The following XIST variants were observed in gnomAD, a reference collection of about 807,000 sequenced individuals.
The protein encoded by XIST is X inactive specific transcript (non-protein coding).
At chrX:73,826,970 CTG>C in exon 6 of XIST, 1 of 558,686 alleles carries the variant, frequency 1.8e-6, no homozygotes, top group Non-Finnish European at 3.2e-6. Flanking sequence ...AGGCCACCCT[CTG>C]TTTTCTTGGC....
At chrX:73,820,895 G>T (rs765305142) in exon 6 of XIST, 1 of 559,191 alleles carries the variant, frequency 1.8e-6, no homozygotes, top group Middle Eastern at 3.1e-4. Flanking sequence ...GAAGGACAAT[G>T]ACGAAGCCAC....
At chrX:73,839,740 T>C (rs1922552306) in intron 1 of XIST, among the ~76,000 whole-genome samples, 1 of 110,245 alleles carries the variant, frequency 9.1e-6, no homozygotes, top group South Asian at 3.9e-4. Context: ...GCTAGAGATT[T>C]TTCTTAAGGG....
At chrX:73,849,132 T>C in exon 1 of XIST, 1 of 559,178 alleles carries the variant, frequency 1.8e-6, no homozygotes, top group Admixed American at 2.2e-5. Flanking sequence ...TCAAGGCAAA[T>C]GCAAGGGCGA....
chrX:73,847,317 A>G (rs375790599), exon 1 of XIST: 3 of 534,914 alleles, frequency 5.6e-6, no homozygotes, highest in Admixed American at 2.4e-5. Context: ...TTTAAGCAGT[A>G]TAAGAGAAGA....
exon 6 of XIST, chrX:73,825,759 A>G (rs1296274523): frequency 5.8e-6 from 3 of 514,656 alleles, no homozygotes; most frequent in Non-Finnish European, 1.0e-5. Context: ...TTCACAATTT[A>G]CACTGCACTT....
At chrX:73,842,738 A>G (rs375604345) in exon 1 of XIST, 123 of 556,526 alleles carry the variant, frequency 2.2e-4, no homozygotes, top group Middle Eastern at 1.5e-3. Context: ...AGTGCAACTG[A>G]GAATTGTTTA....
In XIST at chrX:73,837,590, T is replaced by C. The variant is rs1264892635; in HGVS notation, n.11343-87A>G. On this transcript the variant is annotated intron_variant and non_coding_transcript_variant, in intron 1 of 5. Transcript: ENST00000429829. ...GTTAATAATAATGTATCAATATTGG[T>C]TTGTTGTGACAAATGTACCAAACTA... The C allele has an allele frequency of 6.3e-6, 3 of 472,778 alleles. No individual in the cohort carries two copies. In the Admixed American group the frequency reaches 9.1e-5, roughly 14 times the overall value. The allele number at this position is 472,778 out of a possible 1,213,427, so 39.0% of individuals were successfully genotyped here. A position where few individuals can be genotyped will look rare whatever the true frequency, so the allele number is the denominator to read the frequency against.
At chrX:73,830,786 T>C (rs1301121762) in intron 4 of XIST, among the ~76,000 whole-genome samples, 2 of 111,794 alleles carry the variant, frequency 1.8e-5, no homozygotes, top group African/African-American at 6.5e-5. Context: ...GTTGTCCATG[T>C]TCTCCTAAAA....
rs760238775 is a variant in XIST at position 73,850,808 on chromosome X, G to A, written n.1916C>T. ...TAGCCTTAGGTGAGGCACCAATACA[G>A]AGGAATGGAGGGAGGTTCAGACCAC... On this transcript the variant is annotated non_coding_transcript_exon_variant, in exon 1 of 6. Coordinates refer to ENST00000429829, the Ensembl canonical transcript of XIST. The A allele has an allele frequency of 9.5e-5, 48 of 507,238 alleles. No homozygotes were observed. In the African/African-American group the frequency reaches 1.1e-3, roughly 12 times the overall value. The allele number at this position is 507,238 out of a possible 1,213,427, so 41.8% of individuals were successfully genotyped here. A position where few individuals can be genotyped will look rare whatever the true frequency, so the allele number is the denominator to read the frequency against.
Position 73,844,820 on chromosome X carries a change from A to G in XIST, n.7904T>C, listed in dbSNP as rs188797217. On this transcript the variant is annotated non_coding_transcript_exon_variant, in exon 1 of 6. Transcript: ENST00000429829. The stretch of plus-strand genomic sequence containing the variant: ...AGATAGGCCGTGTGCAGTTACACAC[A>G]TTATTGACCAAGGTGCATGGCTGCG... 168 of 555,234 alleles carry G rather than the reference A, an allele frequency of 3.0e-4. No individual in the cohort carries two copies. In the African/African-American group the frequency reaches 3.2e-3, roughly 11 times the overall value. 45.8% of individuals were successfully genotyped at this position (555,234 alleles called of 1,213,427 possible). A position where few individuals can be genotyped will look rare whatever the true frequency, so the allele number is the denominator to read the frequency against.
At chrX:73,838,015 T>C (rs1188726121) in intron 1 of XIST, among the ~76,000 whole-genome samples, 3 of 111,953 alleles carry the variant, frequency 2.7e-5, no homozygotes, top group Middle Eastern at 4.6e-3. Context: ...TTTTTGTACA[T>C]CAACAGATTT....
exon 1 of XIST, chrX:73,852,224 C>G (rs1408617209): frequency 1.1e-5 from 6 of 540,539 alleles, no homozygotes; most frequent in Non-Finnish European, 2.0e-5. Context: ...GGAAGGGAAT[C>G]AGCAGGTATC....
At chrX:73,834,509 C>A (rs1251102298) in intron 2 of XIST, among the ~76,000 whole-genome samples, 1 of 112,372 alleles carries the variant, frequency 8.9e-6, no homozygotes, top group Non-Finnish European at 1.9e-5. Context: ...CATTTTGGAA[C>A]TGATACAGAA....
At chrX:73,838,998 T>C (rs946817161) in intron 1 of XIST, among the ~76,000 whole-genome samples, 1 of 111,838 alleles carries the variant, frequency 8.9e-6, no homozygotes, top group Admixed American at 9.5e-5. Flanking sequence ...AGTTCAGATA[T>C]AATCATTAGT....
chrX:73,845,993 A>G (rs1282307520), exon 1 of XIST: 5 of 550,452 alleles, frequency 9.1e-6, no homozygotes, highest in East Asian at 3.3e-5. Flanking sequence ...GGTTATGCAC[A>G]TTAATGTCCA....
chrX:73,842,541 C>A (rs1922620123), exon 1 of XIST: 1 of 556,645 alleles, frequency 1.8e-6, no homozygotes, highest in Non-Finnish European at 3.2e-6. Flanking sequence ...TTCAGGCCTG[C>A]TTTTCATAGT....
exon 1 of XIST, chrX:73,849,749 T>G (rs904077982): frequency 1.8e-6 from 1 of 552,170 alleles, no homozygotes; most frequent in East Asian, 3.3e-5. Flanking sequence ...GGATAAGCAA[T>G]GGACAACTTA....
At chrX:73,845,952 T>G (rs765338816) in exon 1 of XIST, 1 of 552,897 alleles carries the variant, frequency 1.8e-6, no homozygotes, top group Non-Finnish European at 3.3e-6. Context: ...GGTCTGAGAG[T>G]AGGACCTTAT....
chrX:73,823,401 T>G (rs969873562), exon 6 of XIST: 10 of 509,814 alleles, frequency 2.0e-5, no homozygotes, highest in Non-Finnish European at 3.1e-5. Flanking sequence ...TTGCAGAGAA[T>G]AGGCATTGAA....
Sources: allele counts gnomAD v4.1 joint callset (sites outside exome capture counted in the v4.1 genomes callset), GRCh38; gene constraint gnomAD v4.1.1; transcripts MANE v1.5; gene names NCBI Gene and HGNC (gene_info 2026-07-23, HGNC 2026-07-21).